Variants in WASHC4 observed in about 807,000 individuals in gnomAD.
The protein encoded by WASHC4 is WASH complex subunit 4.
WASHC4 carries 86 observed loss-of-function variants against 166.6 expected under a neutral mutation model. The ratio of observed to expected loss-of-function variants is 0.52; its 90% CI spans 0.43 to 0.62. The LOEUF (loss-of-function observed/expected upper bound fraction) is 0.62, where lower values mean the gene tolerates loss of function less well. Among genes scored for constraint, WASHC4 ranks in the 20% least tolerant of loss-of-function variants. The probability of loss-of-function intolerance (pLI) is 0.00; values close to 1 mark genes in which losing one functional copy is unlikely to be tolerated. For synonymous variants in WASHC4, 446 were observed against 451.6 expected (o/e 0.99, Z 0.16); for missense variants, 1,262 against 1,382.4 (o/e 0.91, Z 1.38).
At chr12:105,140,059 G>T (rs1219376866) in intron 15 of WASHC4, among the ~76,000 whole-genome samples, 1 of 151,906 alleles carries the variant, frequency 6.6e-6, no homozygotes, top group Non-Finnish European at 1.5e-5. Context: ...TTTTAGTAGA[G>T]ACAGGGTTTC....
At chr12:105,151,025 A>AGAAAGC (rs1883719836) in intron 25 of WASHC4, among the ~76,000 whole-genome samples, 1 of 151,064 alleles carries the variant, frequency 6.6e-6, no homozygotes, top group Non-Finnish European at 1.5e-5. Flanking sequence ...TTGGGTGGGG[A>AGAAAGC]CAAAGCCAAG....
At chr12:105,149,582 CT>C (rs1566022604) in intron 24 of WASHC4, 32 bp from the exon 25 acceptor site, 2 of 1,273,732 alleles carry the variant, frequency 1.6e-6, no homozygotes, top group Admixed American at 1.9e-5. Context: ...TTTATATTAA[CT>C]TTTTTCAACT....
intron 8 of WASHC4, 22 bp downstream of exon 8, chr12:105,120,619 C>A: frequency 6.6e-7 from 1 of 1,518,904 alleles, no homozygotes; most frequent in Non-Finnish European, 9.1e-7. Context: ...TTAGCTTGAC[C>A]TGTAAAACTG....
intron 10 of WASHC4, among the ~76,000 whole-genome samples, chr12:105,124,229 C>T (rs557081236): frequency 2.6e-5 from 4 of 151,282 alleles, no homozygotes; most frequent in South Asian, 2.1e-4. Context: ...AAGCAATTCT[C>T]CTGCCTCAGC....
chr12:105,134,985 G>A (rs1011108081), intron 14 of WASHC4, among the ~76,000 whole-genome samples: 9 of 150,962 alleles, frequency 6.0e-5, no homozygotes, highest in Non-Finnish European at 1.3e-4. Flanking sequence ...TTCTTTTAGC[G>A]GTCACTCTAG....
intron 7 of WASHC4, among the ~76,000 whole-genome samples, chr12:105,118,771 T>C (rs909080283): frequency 4.6e-5 from 7 of 152,276 alleles, no homozygotes; most frequent in Middle Eastern, 6.8e-3. Flanking sequence ...AATTTGACCA[T>C]ATAGAAGAAG....
At chr12:105,122,394 G>A (rs574850267) in intron 10 of WASHC4, among the ~76,000 whole-genome samples, 156 bp downstream of exon 10, 2 of 150,362 alleles carry the variant, frequency 1.3e-5, no homozygotes, top group South Asian at 2.1e-4. Flanking sequence ...AAATATTTCT[G>A]TATCTAGTAG....
chr12:105,126,031 C>A lies in WASHC4; in HGVS notation c.814C>A (p.Leu272Ile). 1 of 1,612,548 alleles carries A rather than the reference C, an allele frequency of 6.2e-7. No individual in the cohort carries two copies. Among genetic ancestry groups the A allele is most frequent in the South Asian group, 1.1e-5 (1 of 91,034 alleles). The change falls in exon 11 of 33, where the codon CTC becomes ATC. Residue 272 changes from leucine to isoleucine, a missense_variant. Coordinates refer to ENST00000332180, the MANE Select transcript of WASHC4 (RefSeq NM_015275.3). ...CTGTATAGAACAACAATTTGATTCT[C>A]TCAATGGAGGAGTATCTGTGTCAAA... ...QACIEQQFDS[L>I]NGGVSVSKNS...
At position 105,127,111 on chromosome 12, in the gene WASHC4, T is replaced by C. The variant is rs1458322281; in HGVS notation, c.1039-18T>C. 1 of 1,608,812 alleles carries C rather than the reference T, an allele frequency of 6.2e-7. No homozygotes were observed. The highest frequency in any genetic ancestry group is 8.5e-7 in the Non-Finnish European group (1 of 1,175,472). On this transcript the variant is annotated intron_variant, in intron 12 of 32. Transcript: ENST00000332180. ...CCTGCATTTAATGAATTTTCCCCTT[T>C]TCCCTTTTCTGTTTCAGGTACCAGC...
chr12:105,164,706 G>A lies in WASHC4; in HGVS notation c.3420G>A (p.Ala1140=), dbSNP rs200172761. ...ARIFFRADKT[A]AEENQEKKEK... Reference sequence around the variant, plus strand: ...TTTTCTTCAGAGCAGACAAGACTGCGGCTGAAGAAAACCAAGAAAAGAAAG... The same window carrying A: ...TTTTCTTCAGAGCAGACAAGACTGCAGCTGAAGAAAACCAAGAAAAGAAAG... The change falls in exon 32 of 33, where the codon GCG becomes GCA. Residue 1140 remains alanine, a synonymous_variant. Transcript: ENST00000332180. 89 of 1,613,042 alleles carry A rather than the reference G, an allele frequency of 5.5e-5. No individual in the cohort carries two copies. In the East Asian group the frequency reaches 1.4e-3, roughly 26 times the overall value.
intron 2 of WASHC4, among the ~76,000 whole-genome samples, chr12:105,111,651 C>T (rs1382788039): frequency 6.6e-6 from 1 of 152,100 alleles, no homozygotes; most frequent in Admixed American, 6.6e-5. Context: ...TAACTCATAT[C>T]CCAATTAAGA....
chr12:105,118,323 G>A (rs1349970107), intron 6 of WASHC4, 123 bp from the exon 7 acceptor site: 2 of 749,852 alleles, frequency 2.7e-6, no homozygotes, highest in African/African-American at 3.5e-5. Context: ...CTGGCTTTTG[G>A]TTAACTGGAG....
intron 7 of WASHC4, 132 bp from the exon 8 acceptor site, chr12:105,120,423 T>A (rs1880619927): frequency 1.6e-6 from 1 of 629,688 alleles, no homozygotes; most frequent in African/African-American, 1.9e-5. Flanking sequence ...GCTCTTAAAT[T>A]TTAAATAACT....
chr12:105,155,020 GAA>G (rs1459838975), intron 26 of WASHC4: 2 of 149,764 alleles, frequency 1.3e-5, no homozygotes, highest in Non-Finnish European at 3.0e-5. Context: ...TCATGATTAT[GAA>G]ATGTTAACTT....
Position 105,149,754 on chromosome 12 carries a change from G to A in WASHC4, c.2649+5G>A, listed in dbSNP as rs1883587500. The stretch of plus-strand genomic sequence containing the variant: ...AAGGACCAAAATGATCATAAGGTAG[G>A]CTACCTATTCTTTTTAAGGTATTTG... On this transcript the variant is annotated splice_donor_5th_base_variant and intron_variant, in intron 25 of 32. Coordinates refer to ENST00000332180, the MANE Select transcript of WASHC4 (RefSeq NM_015275.3). 1 of 1,591,458 alleles carries A rather than the reference G, an allele frequency of 6.3e-7. No homozygotes were observed. The highest frequency in any genetic ancestry group is 1.1e-5 in the South Asian group (1 of 88,772).
chr12:105,141,158 C>A lies in WASHC4; in HGVS notation c.1708-9C>A, dbSNP rs1474734928. The A allele has an allele frequency of 6.2e-7, 1 of 1,612,042 alleles. No individual in the cohort carries two copies. The highest frequency in any genetic ancestry group is 1.7e-5 in the Admixed American group (1 of 60,006). On this transcript the variant is annotated splice_polypyrimidine_tract_variant and intron_variant, in intron 17 of 32. Transcript: ENST00000332180. ...CAACTTCTCTGCCTTTTTTTCCTGT[C>A]CCTGATAGAAAACATTTAAAGATGA...
chr12:105,115,097 A>G, intron 4 of WASHC4, 87 bp from the exon 5 acceptor site: 1 of 693,776 alleles, frequency 1.4e-6, no homozygotes, highest in Admixed American at 2.4e-5. Flanking sequence ...CCCTCTGTTT[A>G]TTACTAAGTA....
chr12:105,111,810 A>C (rs554280879), intron 2 of WASHC4, among the ~76,000 whole-genome samples: 1 of 152,160 alleles, frequency 6.6e-6, no homozygotes, highest in Non-Finnish European at 1.5e-5. Flanking sequence ...CACTTGAAAA[A>C]TAATTTACAT....
chr12:105,124,605 C>G (rs551111949), intron 10 of WASHC4, among the ~76,000 whole-genome samples: 7 of 152,004 alleles, frequency 4.6e-5, no homozygotes, highest in African/African-American at 7.3e-5. Context: ...CTCAGCCTCC[C>G]GAGTAGCTGG....
Sources: allele counts gnomAD v4.1 joint callset (sites outside exome capture counted in the v4.1 genomes callset), GRCh38; gene constraint gnomAD v4.1.1; transcripts MANE v1.5; gene names NCBI Gene and HGNC (gene_info 2026-07-23, HGNC 2026-07-21).